The following SLC6A2 variants were observed in gnomAD, a reference collection of about 807,000 sequenced individuals.
SLC6A2 encodes solute carrier family 6 member 2, also known as sodium-dependent noradrenaline transporter.
Under a neutral mutation model 71.7 loss-of-function variants are expected in SLC6A2, and 26 were observed. That is an observed-to-expected ratio of 0.36 (90% CI 0.27 to 0.50). SLC6A2 has a LOEUF of 0.50. Among genes scored for constraint, SLC6A2 ranks in the 20% least tolerant of loss-of-function variants. SLC6A2 has a pLI of 0.96. For synonymous variants in SLC6A2, 363 were observed against 337.9 expected, an observed-to-expected ratio of 1.07 and a Z score of -0.82; for missense variants, 581 against 803.9, an observed-to-expected ratio of 0.72 and a Z score of 3.35.
At chr16:55,682,608 T>C (rs1185162717) in intron 4 of SLC6A2, among the ~76,000 whole-genome samples, 2 of 152,238 alleles carry the variant, frequency 1.3e-5, no homozygotes, top group Non-Finnish European at 2.9e-5. Context: ...CTCCTCATCC[T>C]GGGAGACCCT....
At chr16:55,673,977 T>C (rs1158575643) in intron 4 of SLC6A2, among the ~76,000 whole-genome samples, 4 of 152,250 alleles carry the variant, frequency 2.6e-5, no homozygotes, top group African/African-American at 7.2e-5. Flanking sequence ...GGATATTTAT[T>C]TTATTCCGTA....
At chr16:55,694,384 A>T (rs1462516398) in intron 7 of SLC6A2, among the ~76,000 whole-genome samples, 1 of 152,152 alleles carries the variant, frequency 6.6e-6, no homozygotes, top group Admixed American at 6.5e-5. Context: ...GTTATGACAG[A>T]GGAGAACTGT....
chr16:55,695,411 G>A lies in SLC6A2; in HGVS notation c.1147+9G>A, dbSNP rs1010178920. The A allele has an allele frequency of 6.2e-7, 1 of 1,614,028 alleles. No homozygotes were observed. On this transcript the variant is annotated intron_variant, in intron 8 of 14. Transcript: ENST00000568943. ...GGATGTGGCCACAGAAGGTGGGTGG[G>A]CAGCCCACCTGGGCCCCAGCCCACT...
In SLC6A2 at chr16:55,704,975, G is replaced by A; in HGVS notation, c.*2629G>A. ...TTTCCACCCACATTTAATGGAGAGA[G>A]AGTATGGGCTTTATGTTAAGTCATC... On this transcript the variant is annotated 3_prime_UTR_variant, in exon 15 of 15. Coordinates refer to ENST00000568943, the MANE Select transcript of SLC6A2 (RefSeq NM_001172501.3). The A allele has an allele frequency of 2.4e-6, 1 of 410,902 alleles. No homozygotes were observed. Among genetic ancestry groups the A allele is most frequent in the Non-Finnish European group, 4.3e-6 (1 of 231,058 alleles). The allele number at this position is 410,902 out of a possible 1,614,324, so 25.5% of individuals were successfully genotyped here.
chr16:55,665,196 T>C (rs1964716598), intron 2 of SLC6A2, among the ~76,000 whole-genome samples: 1 of 152,224 alleles, frequency 6.6e-6, no homozygotes, highest in African/African-American at 2.4e-5. Flanking sequence ...TTGAACTTTA[T>C]AATAGAACTA....
rs567119800 is a variant in SLC6A2, at chr16:55,692,001, T to G, written c.867T>G (p.Asn289Lys). Residue 289 changes from asparagine to lysine, a missense_variant, in exon 6 of 15, where the codon AAT becomes AAG. Physicochemically the swap from Asn to Lys is moderately conservative, Grantham distance 94. Around this residue, in one of 5 missense-constraint regions of SLC6A2, gnomAD observed 334 missense variants for 449.0 expected, o/e 0.74. Coordinates refer to ENST00000568943, the MANE Select transcript of SLC6A2 (RefSeq NM_001172501.3). ...VHGVTLPGASNGINAYLHIDF... is the reference protein window; with the variant it reads ...VHGVTLPGASKGINAYLHIDF... Reference sequence around the variant, plus strand: ...GCGTCACGCTGCCCGGAGCCTCCAATGGCATCAATGCCTACCTGCACATCG... The same window carrying G: ...GCGTCACGCTGCCCGGAGCCTCCAAGGGCATCAATGCCTACCTGCACATCG... 1.2e-6 allele frequency: 2 copies of G among 1,614,190 alleles called. No homozygotes were observed. Among genetic ancestry groups the G allele is most frequent in the East Asian group, 4.5e-5 (2 of 44,874 alleles).
chr16:55,698,047 G>C (rs1469768480), intron 10 of SLC6A2, 22 bp downstream of exon 10: 2 of 1,613,224 alleles, frequency 1.2e-6, no homozygotes, highest in African/African-American at 2.7e-5. Context: ...CTGGGCTCTG[G>C]GTCACCTGGG....
chr16:55,692,577 G>A (rs1965669688), intron 6 of SLC6A2, among the ~76,000 whole-genome samples: 1 of 152,224 alleles, frequency 6.6e-6, no homozygotes, highest in South Asian at 2.1e-4. Flanking sequence ...GGTGAATTTG[G>A]TAGTGGAGTC....
chr16:55,696,712 T>A (rs1368829915), intron 9 of SLC6A2, among the ~76,000 whole-genome samples: 4 of 152,208 alleles, frequency 2.6e-5, no homozygotes, highest in Admixed American at 2.0e-4. Flanking sequence ...CCAGGCATGG[T>A]GGCTCACTCC....
chr16:55,703,810 G>A lies in SLC6A2; in HGVS notation c.*1464G>A, dbSNP rs1966043278. ...TCAAGAAGGTGCTTTGCCTCAAATT[G>A]GGGTGTTGTTGAGCCTGGTGGTTCC... On this transcript the variant is annotated 3_prime_UTR_variant, in exon 15 of 15. Coordinates refer to ENST00000568943, the MANE Select transcript of SLC6A2 (RefSeq NM_001172501.3). 1.0e-6 allele frequency: 1 copy of A among 985,216 alleles called. No individual in the cohort carries two copies. Among genetic ancestry groups the A allele is most frequent in the Non-Finnish European group, 1.2e-6 (1 of 829,910 alleles). The allele number at this position is 985,216 out of a possible 1,614,324, so 61.0% of individuals were successfully genotyped here.
rs371755587 is a variant in SLC6A2, at chr16:55,656,989, G to C, written c.274+21G>C. On this transcript the variant is annotated intron_variant, in intron 2 of 14. Transcript: ENST00000568943. The surrounding 1 kb of genome is among the most constrained non-coding windows in gnomAD (Gnocchi z 4.5). ...CGGCGGTGAGCGTGGGGTCGGGCTG[G>C]GAATTTGAATCTGGGAGGTCCACTG... 1 of 1,611,156 alleles carries C rather than the reference G, an allele frequency of 6.2e-7. No individual in the cohort carries two copies. The highest frequency in any genetic ancestry group is 1.3e-5 in the African/African-American group (1 of 74,858).
chr16:55,692,606 G>A (rs1213447896), intron 6 of SLC6A2, among the ~76,000 whole-genome samples: 1 of 152,200 alleles, frequency 6.6e-6, no homozygotes, highest in South Asian at 2.1e-4. Context: ...AGCAGTGATG[G>A]TGGGAGCAGA....
At chr16:55,687,538 A>G (rs1306755302) in intron 5 of SLC6A2, among the ~76,000 whole-genome samples, 2 of 150,082 alleles carry the variant, frequency 1.3e-5, no homozygotes, top group African/African-American at 2.5e-5. Context: ...AGAGATGTGG[A>G]AGCCCCAGGC....
chr16:55,681,842 G>A (rs1314835689), intron 4 of SLC6A2, among the ~76,000 whole-genome samples: 2 of 152,254 alleles, frequency 1.3e-5, no homozygotes, highest in African/African-American at 4.8e-5. Context: ...TGGAATTAAA[G>A]CCACCTTCCA....
intron 2 of SLC6A2, among the ~76,000 whole-genome samples, chr16:55,662,478 A>G (rs1298694736): frequency 2.0e-5 from 3 of 152,188 alleles, no homozygotes; most frequent in Non-Finnish European, 2.9e-5. Flanking sequence ...TTTGATTCCA[A>G]TATTGGAGGT....
chr16:55,700,746 C>T (rs1965948468), intron 13 of SLC6A2, among the ~76,000 whole-genome samples: 1 of 152,134 alleles, frequency 6.6e-6, no homozygotes, highest in Non-Finnish European at 1.5e-5. Flanking sequence ...CTTTCCAGAA[C>T]CTAATAATCT....
chr16:55,671,604 A>T, intron 3 of SLC6A2: 1 of 504,932 alleles, frequency 2.0e-6, no homozygotes, highest in Admixed American at 3.4e-5. Context: ...CTCCTGTCAG[A>T]TCAGCCGCTG....
At chr16:55,680,385 A>G (rs1174682628) in intron 4 of SLC6A2, among the ~76,000 whole-genome samples, 1 of 152,230 alleles carries the variant, frequency 6.6e-6, no homozygotes, top group South Asian at 2.1e-4. Flanking sequence ...GTGATGTCCC[A>G]CAATAGGCTG....
chr16:55,657,455 C>T (rs1964490579), intron 2 of SLC6A2, among the ~76,000 whole-genome samples: 1 of 152,172 alleles, frequency 6.6e-6, no homozygotes, highest in Non-Finnish European at 1.5e-5. Context: ...GGGCAGGAAC[C>T]TTTGGGCCAG....
Sources: allele counts gnomAD v4.1 joint callset (sites outside exome capture counted in the v4.1 genomes callset), GRCh38; gene constraint gnomAD v4.1.1; regional missense constraint gnomAD v4.1.1; non-coding constraint Gnocchi (gnomAD v3.1); transcripts MANE v1.5; gene names NCBI Gene and HGNC (gene_info 2026-07-23, HGNC 2026-07-21).